The following ZSWIM7 variants were observed in gnomAD, a reference collection of about 807,000 sequenced individuals.
ZSWIM7 encodes zinc finger SWIM-type containing 7.
Under a neutral mutation model 21.1 loss-of-function variants are expected in ZSWIM7, and 22 were observed. The ratio of observed to expected loss-of-function variants is 1.04; its 90% CI spans 0.74 to 1.49. The LOEUF is 1.49. Among genes scored for constraint, ZSWIM7 ranks in the 40% most tolerant of loss-of-function variants. ZSWIM7 has a pLI of 0.00. For missense variants in ZSWIM7, 193 were observed against 168.0 expected (o/e 1.15, Z -0.82); for synonymous variants, 67 against 66.5 (o/e 1.01, Z -0.04).
At position 15,977,075 on chromosome 17, in the gene ZSWIM7, T is replaced by A. The variant is rs551431891; in HGVS notation, c.*972A>T. 2 of 152,304 alleles carry A rather than the reference T, an allele frequency of 1.3e-5. No individual in the cohort carries two copies. The highest frequency in any genetic ancestry group is 1.9e-4 in the East Asian group (1 of 5,176). 9.4% of individuals were successfully genotyped at this position (152,304 alleles called of 1,614,324 possible). A position where few individuals can be genotyped will look rare whatever the true frequency, so the allele number is the denominator to read the frequency against. Reference sequence around the variant, plus strand: ...TTTCCTTCCAGGACACGATTTTTAGTCTGTTCCTTCAATTGCCCTGTTGTA... The same window carrying A: ...TTTCCTTCCAGGACACGATTTTTAGACTGTTCCTTCAATTGCCCTGTTGTA... On this transcript the variant is annotated 3_prime_UTR_variant, in exon 5 of 5. Coordinates refer to ENST00000399277, the MANE Select transcript of ZSWIM7 (RefSeq NM_001042697.2).
At chr17:15,982,515 C>G (rs1970367253) in intron 3 of ZSWIM7, among the ~76,000 whole-genome samples, 2 of 152,134 alleles carry the variant, frequency 1.3e-5, no homozygotes, top group South Asian at 4.1e-4. Flanking sequence ...TTTAATCTTT[C>G]TTACCCACAG....
intron 3 of ZSWIM7, among the ~76,000 whole-genome samples, chr17:15,983,372 T>G (rs945810785): frequency 7.0e-6 from 1 of 142,586 alleles, no homozygotes; most frequent in Non-Finnish European, 1.5e-5. Context: ...AAAAAAAGAT[T>G]TCCACCCAGT....
chr17:15,990,219 CAAAA>C (rs71299859), intron 2 of ZSWIM7, among the ~76,000 whole-genome samples: 4 of 76,040 alleles, frequency 5.3e-5, no homozygotes, highest in Non-Finnish European at 5.6e-5. Context: ...AACTCTGTCT[CAAAA>C]AAAAAAAAAA....
intron 3 of ZSWIM7, among the ~76,000 whole-genome samples, chr17:15,981,882 C>T (rs921075232): frequency 6.6e-6 from 1 of 152,206 alleles, no homozygotes; most frequent in Non-Finnish European, 1.5e-5. Flanking sequence ...CACCACTGCA[C>T]TGCAGCCTGG....
chr17:15,979,540 GCTC>G (rs1172260479), intron 4 of ZSWIM7, among the ~76,000 whole-genome samples: 1 of 151,986 alleles, frequency 6.6e-6, no homozygotes, highest in African/African-American at 2.4e-5. Flanking sequence ...GGGCAGAGGG[GCTC>G]CTCACTTCCC....
chr17:15,992,118 G>T (rs1970494410), intron 2 of ZSWIM7, among the ~76,000 whole-genome samples: 1 of 151,900 alleles, frequency 6.6e-6, no homozygotes, highest in African/African-American at 2.4e-5. Context: ...GTAGAGACGG[G>T]GTTTCACCAT....
At chr17:15,993,856 T>C in intron 1 of ZSWIM7, 78 bp from the exon 2 acceptor site, 1 of 1,146,156 alleles carries the variant, frequency 8.7e-7, no homozygotes. Context: ...AAAAACACTG[T>C]AACTAAAAAC....
chr17:15,987,379 A>G lies in ZSWIM7; in HGVS notation c.99-11T>C. The G allele has an allele frequency of 6.2e-7, 1 of 1,610,584 alleles. No individual in the cohort carries two copies. The highest frequency in any genetic ancestry group is 8.5e-7 in the Non-Finnish European group (1 of 1,178,026). ...AAGAGAAACTTCAGCCTGTGAAATA[A>G]AAACACTTCAGATTAGAAGGCCTGA... is the stretch of plus-strand genomic sequence containing the variant. On this transcript the variant is annotated splice_polypyrimidine_tract_variant and intron_variant, in intron 2 of 4. Coordinates refer to ENST00000399277, the MANE Select transcript of ZSWIM7 (RefSeq NM_001042697.2).
Position 15,981,116 on chromosome 17 carries a change from G to A in ZSWIM7, c.230C>T (p.Thr77Ile), listed in dbSNP as rs535548098. ...ACAGTAATGACAAGAAGCCAAACAT[G>A]TGTATGTTTTACTGGAACTTCCAAG... ...QVLGSSSKTY[T>I]CLASCHYCSC... is the part of the protein sequence containing the mutation. The change falls in exon 4 of 5, where the codon ACA becomes ATA. Residue 77 changes from threonine to isoleucine, a missense_variant. Thr to Ile is a moderately conservative substitution (Grantham distance 89). Coordinates refer to ENST00000399277, the MANE Select transcript of ZSWIM7 (RefSeq NM_001042697.2). 1.1e-5 allele frequency: 17 copies of A among 1,613,622 alleles called. No homozygotes were observed. In the East Asian group the frequency reaches 3.1e-4, roughly 30 times the overall value.
At chr17:15,988,019 C>A (rs1308122345) in intron 2 of ZSWIM7, among the ~76,000 whole-genome samples, 1 of 152,122 alleles carries the variant, frequency 6.6e-6, no homozygotes, top group Non-Finnish European at 1.5e-5. Context: ...CTGAGGCAAG[C>A]ACATGCATTT....
intron 3 of ZSWIM7, among the ~76,000 whole-genome samples, chr17:15,986,110 C>A (rs1318911679): frequency 6.6e-6 from 1 of 152,106 alleles, no homozygotes; most frequent in Non-Finnish European, 1.5e-5. Context: ...ATGGTGCGAT[C>A]TCCGCTCACT....
intron 2 of ZSWIM7, 50 bp from the exon 3 acceptor site, chr17:15,987,418 C>T (rs1260260272): frequency 6.7e-7 from 1 of 1,481,550 alleles, no homozygotes; most frequent in Non-Finnish European, 9.3e-7. Context: ...TCAAAGTCAC[C>T]TCAGTAACTT....
chr17:15,978,606 T>C (rs1970307624), intron 4 of ZSWIM7, among the ~76,000 whole-genome samples: 1 of 151,998 alleles, frequency 6.6e-6, no homozygotes, highest in Non-Finnish European at 1.5e-5. Context: ...AAAAAATAAA[T>C]AAATAAAAAC....
intron 4 of ZSWIM7, 72 bp from the exon 5 acceptor site, chr17:15,978,235 C>T (rs1325322260): frequency 4.7e-6 from 5 of 1,057,114 alleles, no homozygotes; most frequent in African/African-American, 1.6e-5. Context: ...CAAGATTTCT[C>T]ATTACCATCT....
chr17:15,995,726 AC>A (rs1970545502), intron 1 of ZSWIM7, among the ~76,000 whole-genome samples: 1 of 152,180 alleles, frequency 6.6e-6, no homozygotes, highest in Non-Finnish European at 1.5e-5. Flanking sequence ...ACATCCAGTA[AC>A]TTAATTACAG....
rs768522330 is a variant in ZSWIM7 at position 15,999,689 on chromosome 17, C to A, written c.-95G>T. 2 of 1,556,638 alleles carry A rather than the reference C, an allele frequency of 1.3e-6. No individual in the cohort carries two copies. Among genetic ancestry groups the A allele is most frequent in the Non-Finnish European group, 8.7e-7 (1 of 1,150,688 alleles). On this transcript the variant is annotated 5_prime_UTR_variant, in exon 1 of 5. Coordinates refer to ENST00000399277, the MANE Select transcript of ZSWIM7 (RefSeq NM_001042697.2). ...GGAGGATCCTGACCCCCCGCCGGGGCAGGGCGAGACGGAGTGACGTCGGGG... is the reference window on the plus strand; with the variant it reads ...GGAGGATCCTGACCCCCCGCCGGGGAAGGGCGAGACGGAGTGACGTCGGGG...
intron 3 of ZSWIM7, among the ~76,000 whole-genome samples, chr17:15,982,654 T>TA (rs1970368779): frequency 2.6e-5 from 4 of 151,808 alleles, no homozygotes; most frequent in South Asian, 4.2e-4. Flanking sequence ...CATTTTTTTT[T>TA]AATTTTTGTT....
intron 3 of ZSWIM7, among the ~76,000 whole-genome samples, chr17:15,984,349 A>T (rs1970386898): frequency 6.6e-6 from 1 of 152,250 alleles, no homozygotes; most frequent in African/African-American, 2.4e-5. Context: ...GTGAAAAAAC[A>T]ACTTCCTCTT....
chr17:15,997,772 G>A (rs1230117378), intron 1 of ZSWIM7, among the ~76,000 whole-genome samples: 1 of 152,216 alleles, frequency 6.6e-6, no homozygotes, highest in Admixed American at 6.5e-5. Context: ...CTTCAGGACT[G>A]TCAATGTGTC....
Sources: allele counts gnomAD v4.1 joint callset (sites outside exome capture counted in the v4.1 genomes callset), GRCh38; gene constraint gnomAD v4.1.1; transcripts MANE v1.5; gene names NCBI Gene and HGNC (gene_info 2026-07-23, HGNC 2026-07-21).